CROT: variants seen among roughly 807,000 people sequenced by gnomAD.
CROT encodes peroxisomal carnitine O-octanoyltransferase.
A neutral mutation model predicts 89.2 loss-of-function variants in CROT; 84 were observed. The ratio of observed to expected loss-of-function variants is 0.94; its 90% CI spans 0.79 to 1.13. The LOEUF (loss-of-function observed/expected upper bound fraction) is 1.13, where lower values mean the gene tolerates loss of function less well. CROT is among the 50% of genes most tolerant of loss of function. CROT has a pLI of 0.00. For synonymous variants in CROT, 212 were observed against 239.5 expected, an observed-to-expected ratio of 0.89 and a Z score of 1.06; for missense variants, 711 against 727.8, an observed-to-expected ratio of 0.98 and a Z score of 0.27.
At chr7:87,361,675 G>C (rs371217644) in intron 5 of CROT, 53 bp from the exon 6 acceptor site, 1 of 1,538,686 alleles carries the variant, frequency 6.5e-7, no homozygotes, top group Admixed American at 2.1e-5. Context: ...TTCAGTTGTG[G>C]CTGGTTTTTA....
chr7:87,390,528 C>T (rs1258173673), intron 13 of CROT, among the ~76,000 whole-genome samples: 1 of 152,168 alleles, frequency 6.6e-6, no homozygotes, highest in Non-Finnish European at 1.5e-5. Flanking sequence ...GAGACAGAAA[C>T]ACTGAACAGA....
intron 17 of CROT, among the ~76,000 whole-genome samples, chr7:87,396,332 A>T (rs1433843592): frequency 6.6e-6 from 1 of 152,220 alleles, no homozygotes; most frequent in Non-Finnish European, 1.5e-5. Context: ...GGTGACTTGA[A>T]GGAGATGAGT....
rs375750777 is a variant in CROT, at chr7:87,382,406, T to A, written c.1171-7T>A. The A allele has an allele frequency of 2.7e-5, 44 of 1,608,552 alleles. No individual in the cohort carries two copies. The African/African-American group carries it at 4.4e-4, about 16-fold the overall frequency. The stretch of plus-strand genomic sequence containing the variant: ...TTTCACCGTTCTCATTTAATTCTTC[T>A]TGTTAGGCATCTGATCTACAGATTG... On this transcript the variant is annotated splice_region_variant and splice_polypyrimidine_tract_variant and intron_variant, in intron 12 of 17. Coordinates refer to ENST00000331536, the MANE Select transcript of CROT (RefSeq NM_021151.4).
intron 6 of CROT, among the ~76,000 whole-genome samples, chr7:87,367,711 T>C (rs1436560729): frequency 2.0e-5 from 3 of 152,174 alleles, no homozygotes; most frequent in African/African-American, 7.2e-5. Flanking sequence ...TGCTTTTGCA[T>C]TATCCTCTCT....
chr7:87,375,636 C>G lies in CROT; in HGVS notation c.661C>G (p.Leu221Val). The G allele has an allele frequency of 6.2e-7, 1 of 1,610,960 alleles. No individual in the cohort carries two copies. The highest frequency in any genetic ancestry group is 8.5e-7 in the Non-Finnish European group (1 of 1,177,462). Residue 221 changes from leucine to valine, a missense_variant, in exon 8 of 18, where the codon CTG becomes GTG. Coordinates refer to ENST00000331536, the MANE Select transcript of CROT (RefSeq NM_021151.4). ...LVTPPELLRQ[L>V]TYIHKKCHSE... is the part of the protein sequence containing the mutation. ...CTTCTTTTCATCTTCCATAAGACAA[C>G]TGACATATATCCACAAGAAGTGCCA...
chr7:87,371,918 C>A (rs1806646886), intron 7 of CROT, among the ~76,000 whole-genome samples: 1 of 148,408 alleles, frequency 6.7e-6, no homozygotes, highest in African/African-American at 2.5e-5. Context: ...CACTTGAGCC[C>A]AGGAGGTCGA....
At chr7:87,382,658 A>T in intron 13 of CROT, 115 bp downstream of exon 13, 1 of 1,005,652 alleles carries the variant, frequency 9.9e-7, no homozygotes, top group South Asian at 1.7e-5. Flanking sequence ...CCCAGCTGGT[A>T]CTGTGTCCTA....
intron 13 of CROT, among the ~76,000 whole-genome samples, chr7:87,391,307 C>T (rs1472193281): frequency 1.3e-5 from 2 of 152,226 alleles, no homozygotes; most frequent in Non-Finnish European, 2.9e-5. Flanking sequence ...TGAGGGGTTA[C>T]AGCAGAGCAT....
At chr7:87,361,679 G>C (rs772718483) in intron 5 of CROT, 49 bp from the exon 6 acceptor site, 1 of 1,539,796 alleles carries the variant, frequency 6.5e-7, no homozygotes, top group Non-Finnish European at 8.7e-7. Flanking sequence ...GTTGTGGCTG[G>C]TTTTTAAATT....
chr7:87,379,682 T>G (rs1806929307), intron 10 of CROT, among the ~76,000 whole-genome samples: 2 of 152,232 alleles, frequency 1.3e-5, no homozygotes, highest in South Asian at 4.1e-4. Context: ...GTGTGTGCAT[T>G]AACATGCATA....
chr7:87,352,094 G>T (rs1255649529), intron 3 of CROT, among the ~76,000 whole-genome samples: 1 of 152,196 alleles, frequency 6.6e-6, no homozygotes, highest in East Asian at 1.9e-4. Flanking sequence ...GAAAGATATG[G>T]CAAGTCATGT....
At chr7:87,377,138 G>C (rs1345384097) in intron 9 of CROT, among the ~76,000 whole-genome samples, 1 of 152,024 alleles carries the variant, frequency 6.6e-6, no homozygotes, top group Admixed American at 6.6e-5. Flanking sequence ...CTTAACTTGA[G>C]ATTTTGAGAA....
chr7:87,384,403 A>T (rs989755161), intron 13 of CROT, among the ~76,000 whole-genome samples: 1 of 152,222 alleles, frequency 6.6e-6, no homozygotes, highest in East Asian at 1.9e-4. Context: ...GTAGGGGCAC[A>T]TATCTGTACC....
At chr7:87,348,332 A>G (rs6943724) in intron 2 of CROT, among the ~76,000 whole-genome samples, 7,618 of 152,256 alleles carry the variant, frequency 0.05, 456 homozygotes, top group African/African-American at 0.14. Context: ...ACACGTGTCA[A>G]TATGTTCAAG....
rs553995913 is a variant in CROT, at chr7:87,359,849, C to T, written c.240+519C>T. 8.1e-6 allele frequency: 8 copies of T among 985,360 alleles called. No individual in the cohort carries two copies. In the East Asian group the frequency reaches 7.9e-4, roughly 98 times the overall value. The allele number at this position is 985,360 out of a possible 1,614,324, so 61.0% of individuals were successfully genotyped here. On this transcript the variant is annotated intron_variant, in intron 4 of 17. Transcript: ENST00000331536. ...TATTGAAGGTCTCAATAATTTTCCA[C>T]AAAATTCTTTAACTTCTTCAGCTCA...
At position 87,382,062 on chromosome 7, in the gene CROT, C is replaced by A. The variant is rs763463041; in HGVS notation, c.1063-12C>A. On this transcript the variant is annotated splice_polypyrimidine_tract_variant and intron_variant, in intron 11 of 17. Transcript: ENST00000331536. Reference sequence around the variant, plus strand: ...TATAGATAAAATATTTTTAAGTCTTCCCTATTTTCAGGGTTCAGAGAAGGT... The same window carrying A: ...TATAGATAAAATATTTTTAAGTCTTACCTATTTTCAGGGTTCAGAGAAGGT... The A allele has an allele frequency of 1.3e-6, 2 of 1,592,776 alleles. No homozygotes were observed. Among genetic ancestry groups the A allele is most frequent in the South Asian group, 1.1e-5 (1 of 88,652 alleles).
intron 3 of CROT, among the ~76,000 whole-genome samples, chr7:87,354,208 T>A (rs977856632): frequency 6.6e-6 from 1 of 152,224 alleles, no homozygotes; most frequent in Non-Finnish European, 1.5e-5. Context: ...GTAAAAACCT[T>A]AAGCCTTTTA....
chr7:87,381,547 G>C (rs868470330), intron 10 of CROT, among the ~76,000 whole-genome samples: 2 of 152,080 alleles, frequency 1.3e-5, no homozygotes, highest in Non-Finnish European at 2.9e-5. Context: ...TTTCCACCCT[G>C]TTCTTACAAT....
intron 3 of CROT, chr7:87,354,419 T>C (rs752605881): frequency 7.7e-6 from 4 of 518,072 alleles, no homozygotes; most frequent in Middle Eastern, 3.2e-4. Context: ...AGGAAGAGTA[T>C]ATTCAAGGTT....
Sources: gnomAD v4.1 joint callset for allele counts (sites outside exome capture counted in the v4.1 genomes callset) on GRCh38, gnomAD v4.1.1 for gene constraint, MANE v1.5 for transcripts, NCBI Gene and HGNC (gene_info 2026-07-23, HGNC 2026-07-21) for gene names.